PKD2L2: variants seen among roughly 807,000 people sequenced by gnomAD.
PKD2L2 encodes polycystin-2-like protein 2.
Under a neutral mutation model 83.9 loss-of-function variants are expected in PKD2L2, and 67 were observed. That is an observed-to-expected ratio of 0.80 (90% confidence interval 0.66 to 0.98). The LOEUF is 0.98. PKD2L2 is among the 50% of genes least tolerant of loss of function. The pLI is 0.00. For missense variants in PKD2L2, 632 were observed against 717.2 expected, an observed-to-expected ratio of 0.88 and a Z score of 1.36; for synonymous variants, 223 against 237.8, an observed-to-expected ratio of 0.94 and a Z score of 0.57.
At position 137,942,572 on chromosome 5, in the gene PKD2L2, AG is replaced by A; in HGVS notation, c.*208del. The stretch of plus-strand genomic sequence containing the variant: ...CAGTCTGGGTCCCACTATATTGCCC[AG>A]GCTGGTCTTGAACTCCTGGCCTCAA... On this transcript the variant is annotated 3_prime_UTR_variant, in exon 15 of 15. Transcript: ENST00000508883. The A allele has an allele frequency of 9.4e-6, 3 of 318,284 alleles. No individual in the cohort carries two copies. The South Asian group carries it at 1.3e-4, about 14-fold the overall frequency. The allele number at this position is 318,284 out of a possible 1,614,324, so 19.7% of individuals were successfully genotyped here.
At chr5:137,940,254 T>A in intron 14 of PKD2L2, 1 of 1,614,022 alleles carries the variant, frequency 6.2e-7, no homozygotes, top group Non-Finnish European at 8.5e-7. Context: ...TCTTGTTTGC[T>A]TATAAGAACT....
chr5:137,899,114 G>T (rs1293595674), intron 4 of PKD2L2, among the ~76,000 whole-genome samples: 2 of 151,910 alleles, frequency 1.3e-5, no homozygotes, highest in East Asian at 1.9e-4. Context: ...TTTTTTGTTT[G>T]TTTTTGGTTT....
At chr5:137,897,148 C>T (rs1350395390) in intron 4 of PKD2L2, among the ~76,000 whole-genome samples, 7 of 151,522 alleles carry the variant, frequency 4.6e-5, no homozygotes, top group East Asian at 1.9e-4. Flanking sequence ...CCTTGACCTC[C>T]GGGGCTCAAG....
chr5:137,941,006 C>T (rs1236287686), intron 14 of PKD2L2, among the ~76,000 whole-genome samples: 7 of 152,264 alleles, frequency 4.6e-5, no homozygotes, highest in African/African-American at 7.2e-5. Context: ...CCCGGATTCA[C>T]GCCATTCTCC....
chr5:137,925,889 A>G lies in PKD2L2; in HGVS notation c.1631A>G (p.Asp544Gly), dbSNP rs200648496. 6.1e-4 allele frequency: 968 copies of G among 1,597,600 alleles called. 11 individuals carry two copies. The highest frequency in any genetic ancestry group is 4.0e-3 in the South Asian group (360 of 89,542). ...DEDKKTKGSG[D>G]LAEQARREGF... is the part of the protein sequence containing the mutation. ...ATTCTCAATAGCAAAGGCAGCGGAG[A>G]TTTGGCTGAACAAGCCAGAAGAGAA... The change falls in exon 12 of 15, where the codon GAT becomes GGT. Residue 544 changes from aspartate to glycine, a missense_variant. Coordinates refer to ENST00000508883, the MANE Select transcript of PKD2L2 (RefSeq NM_001300921.2).
intron 12 of PKD2L2, among the ~76,000 whole-genome samples, chr5:137,929,805 C>T (rs1759715568): frequency 6.6e-6 from 1 of 151,960 alleles, no homozygotes; most frequent in African/African-American, 2.4e-5. Context: ...CAGTTCTATG[C>T]TATATCCTAA....
In PKD2L2 at chr5:137,936,417, G is replaced by A; in HGVS notation, c.*7G>A. 2.0e-6 allele frequency: 3 copies of A among 1,533,826 alleles called. No individual in the cohort carries two copies. The highest frequency in any genetic ancestry group is 3.3e-4 in the Middle Eastern group (2 of 5,978). ...AAAGGTTTCAGCTCTATAGTATTGA[G>A]ACAAGTGGAGGTAAGAATCTGTGAT... On this transcript the variant is annotated 3_prime_UTR_variant, in exon 14 of 15. Coordinates refer to ENST00000508883, the MANE Select transcript of PKD2L2 (RefSeq NM_001300921.2).
At chr5:137,901,776 G>GAA (rs989349637) in intron 5 of PKD2L2, among the ~76,000 whole-genome samples, 59 of 152,288 alleles carry the variant, frequency 3.9e-4, no homozygotes, top group African/African-American at 1.3e-3. Flanking sequence ...GTACTCTTTA[G>GAA]AAAGGATTGT....
At chr5:137,936,059 C>T in intron 13 of PKD2L2, 150 bp downstream of exon 13, 1 of 634,474 alleles carries the variant, frequency 1.6e-6, no homozygotes, top group Non-Finnish European at 2.8e-6. Context: ...TTGCATATGA[C>T]TCCATTTGCT....
intron 8 of PKD2L2, among the ~76,000 whole-genome samples, chr5:137,911,008 G>A (rs938883694): frequency 1.3e-5 from 2 of 152,102 alleles, no homozygotes; most frequent in Non-Finnish European, 2.9e-5. Context: ...ACTTCTAAGT[G>A]TACAGTTCAG....
intron 14 of PKD2L2, among the ~76,000 whole-genome samples, chr5:137,941,071 A>G (rs1398710658): frequency 6.6e-6 from 1 of 151,818 alleles, no homozygotes; most frequent in African/African-American, 2.4e-5. Flanking sequence ...ACGCCTGCCT[A>G]ATTTTTTTTG....
At position 137,935,905 on chromosome 5, in the gene PKD2L2, C is replaced by T. The variant is rs1287629432; in HGVS notation, c.1780C>T (p.Arg594Ter). 3.3e-6 allele frequency: 5 copies of T among 1,495,012 alleles called. 1 individual carries two copies. The South Asian group carries it at 3.4e-5, about 10-fold the overall frequency. The allele number at this position is 1,495,012 out of a possible 1,614,324, so 92.6% of individuals were successfully genotyped here. The change falls in exon 13 of 15, where the codon CGA becomes TGA. Residue 594 changes from arginine to a stop codon, truncating the protein, a stop_gained. Coordinates refer to ENST00000508883, the MANE Select transcript of PKD2L2 (RefSeq NM_001300921.2). LOFTEE classifies it high-confidence loss of function. ...CCAGCCTGTCACTCAAGAAGAATTT[C>T]GAGAGTAAGCTTATGTTCTAACCAG... ...DYQPVTQEEF[R>*]ELFLYAVELE...
At position 137,925,886 on chromosome 5, in the gene PKD2L2, G is replaced by C. The variant is rs1390671481; in HGVS notation, c.1628G>C (p.Gly543Ala). The C allele has an allele frequency of 6.3e-7, 1 of 1,596,550 alleles. No homozygotes were observed. Among genetic ancestry groups the C allele is most frequent in the South Asian group, 1.1e-5 (1 of 89,436 alleles). Residue 543 changes from glycine (G) to alanine (A), a missense_variant, in exon 12 of 15, where the codon GGA becomes GCA. Transcript: ENST00000508883. ...TATATTCTCAATAGCAAAGGCAGCGGAGATTTGGCTGAACAAGCCAGAAGA... is the reference window on the plus strand; with the variant it reads ...TATATTCTCAATAGCAAAGGCAGCGCAGATTTGGCTGAACAAGCCAGAAGA... ...KDEDKKTKGS[G>A]DLAEQARREG...
chr5:137,910,855 A>C (rs527722602), intron 8 of PKD2L2, among the ~76,000 whole-genome samples: 2 of 152,132 alleles, frequency 1.3e-5, no homozygotes, highest in African/African-American at 4.8e-5. Context: ...AGTGAGTAAT[A>C]ACTGGGCCAA....
chr5:137,901,817 G>T (rs1198340962), intron 5 of PKD2L2, among the ~76,000 whole-genome samples: 1 of 152,150 alleles, frequency 6.6e-6, no homozygotes, highest in Non-Finnish European at 1.5e-5. Flanking sequence ...CCAACAGAGA[G>T]AACACCATGA....
intron 12 of PKD2L2, among the ~76,000 whole-genome samples, chr5:137,929,477 T>C (rs537582814): frequency 4.6e-5 from 2 of 43,796 alleles, no homozygotes; most frequent in East Asian, 1.3e-3. Context: ...AAAAAAAAGA[T>C]ATACAAAGAC....
At chr5:137,925,975 G>A in intron 12 of PKD2L2, 46 bp downstream of exon 12, 1 of 1,066,722 alleles carries the variant, frequency 9.4e-7, no homozygotes, top group Non-Finnish European at 1.4e-6. Context: ...AGCTGTATTA[G>A]AAATATGCTC....
chr5:137,895,491 A>AAAGG (rs1214580255), intron 4 of PKD2L2, among the ~76,000 whole-genome samples: 3 of 150,788 alleles, frequency 2.0e-5, no homozygotes, highest in Admixed American at 6.6e-5. Flanking sequence ...AAAAAAAAAA[A>AAAGG]AAGGAAGGAA....
chr5:137,918,356 A>C (rs567879462), intron 8 of PKD2L2, among the ~76,000 whole-genome samples: 1 of 152,268 alleles, frequency 6.6e-6, no homozygotes, highest in South Asian at 2.1e-4. Flanking sequence ...AAAAGAGAAG[A>C]ATAAAGTGAG....
Sources: gnomAD v4.1 joint callset for allele counts (sites outside exome capture counted in the v4.1 genomes callset) on GRCh38, gnomAD v4.1.1 for gene constraint, MANE v1.5 for transcripts, NCBI Gene and HGNC (gene_info 2026-07-23, HGNC 2026-07-21) for gene names.